The following CLDN9 variants were observed in gnomAD, a reference collection of about 807,000 sequenced individuals.
The protein encoded by CLDN9 is claudin 9.
Under a neutral mutation model 10.1 loss-of-function variants are expected in CLDN9, and 14 were observed. That is an observed-to-expected ratio of 1.38 (90% CI 0.91 to 2.16). The LOEUF (loss-of-function observed/expected upper bound fraction) is 2.16, where lower values mean the gene tolerates loss of function less well. CLDN9 is among the 30% of genes most tolerant of loss of function. CLDN9 has a pLI of 0.00. For synonymous variants in CLDN9, 162 were observed against 143.1 expected (o/e 1.13, Z -0.95); for missense variants, 332 against 294.8 (o/e 1.13, Z -0.93).
chr16:3,013,877 C>T lies in CLDN9; in HGVS notation c.515C>T (p.Ala172Val). The stretch of plus-strand genomic sequence containing the variant: ...CTCTACCTGGGCTGGGCGGCGGCTG[C>T]ACTGCTTATGCTGGGCGGGGGGCTC... Reference protein sequence around the residue: ...ASLYLGWAAAALLMLGGGLLC... With the variant: ...ASLYLGWAAAVLLMLGGGLLC... The change falls in exon 1 of 1, where the codon GCA (alanine) becomes GTA (valine). Residue 172 changes from alanine (A) to valine (V), a missense_variant. Physicochemically the swap from Ala to Val is moderately conservative, Grantham distance 64. Coordinates refer to ENST00000445369, the MANE Select transcript of CLDN9 (RefSeq NM_020982.4). The surrounding 1 kb of genome is among the most constrained non-coding windows in gnomAD (Gnocchi z 6.4). 6.2e-7 allele frequency: 1 copy of T among 1,611,912 alleles called. No homozygotes were observed. The highest frequency in any genetic ancestry group is 8.5e-7 in the Non-Finnish European group (1 of 1,179,610).
rs1366771440 is a variant in CLDN9 at position 3,013,197 on chromosome 16, G to A, written c.-166G>A. The A allele has an allele frequency of 1.1e-5, 8 of 716,632 alleles. No individual in the cohort carries two copies. The highest frequency in any genetic ancestry group is 5.9e-5 in the Admixed American group (2 of 33,956). The allele number at this position is 716,632 out of a possible 1,614,324, so 44.4% of individuals were successfully genotyped here. A position where few individuals can be genotyped will look rare whatever the true frequency, so the allele number is the denominator to read the frequency against. On this transcript the variant is annotated 5_prime_UTR_variant, in exon 1 of 1. Coordinates refer to ENST00000445369, the MANE Select transcript of CLDN9 (RefSeq NM_020982.4). This position sits in a 1 kb window ranked among gnomAD's most constrained non-coding sequence, Gnocchi z 6.4. Reference sequence around the variant, plus strand: ...CCTGCAAGAGGCACGGAGAGGAGGCGCCTTTCAAGAGGCGCCTTTCATGGA... The same window carrying A: ...CCTGCAAGAGGCACGGAGAGGAGGCACCTTTCAAGAGGCGCCTTTCATGGA...
chr16:3,013,128 G>A lies in CLDN9; in HGVS notation c.-235G>A. ...GAGGTGACACCCACCACTCAGCCGAGCGGGACTACGAGTCTGCTTTGTGCT... is the reference window on the plus strand; with the variant it reads ...GAGGTGACACCCACCACTCAGCCGAACGGGACTACGAGTCTGCTTTGTGCT... On this transcript the variant is annotated 5_prime_UTR_variant, in exon 1 of 1. Coordinates refer to ENST00000445369, the MANE Select transcript of CLDN9 (RefSeq NM_020982.4). The surrounding 1 kb of genome is among the most constrained non-coding windows in gnomAD (Gnocchi z 6.4). The A allele has an allele frequency of 1.8e-6, 1 of 565,918 alleles. No homozygotes were observed. The highest frequency in any genetic ancestry group is 2.9e-5 in the East Asian group (1 of 33,974). The allele number at this position is 565,918 out of a possible 1,614,324, so 35.1% of individuals were successfully genotyped here. A position where few individuals can be genotyped will look rare whatever the true frequency, so the allele number is the denominator to read the frequency against.
Position 3,014,106 on chromosome 16 carries a change from C to T in CLDN9, c.*90C>T. 6 of 1,375,326 alleles carry T rather than the reference C, an allele frequency of 4.4e-6. No homozygotes were observed. Among genetic ancestry groups the T allele is most frequent in the South Asian group, 1.6e-5 (1 of 63,506 alleles). 85.2% of individuals were successfully genotyped at this position (1,375,326 alleles called of 1,614,324 possible). On this transcript the variant is annotated 3_prime_UTR_variant, in exon 1 of 1. Coordinates refer to ENST00000445369, the MANE Select transcript of CLDN9 (RefSeq NM_020982.4). ...GACCAGATGCCCTGCTCCATCACAACCTCCTTCCCCAGGAAAACCCACTTT... is the reference window on the plus strand; with the variant it reads ...GACCAGATGCCCTGCTCCATCACAATCTCCTTCCCCAGGAAAACCCACTTT...
At position 3,013,310 on chromosome 16, in the gene CLDN9, C is replaced by T. The variant is rs535547771; in HGVS notation, c.-53C>T. On this transcript the variant is annotated 5_prime_UTR_variant, in exon 1 of 1. Transcript: ENST00000445369. This position sits in a 1 kb window ranked among gnomAD's most constrained non-coding sequence, Gnocchi z 6.4. ...CACCCACCCAGCACACCAGACACAC[C>T]CTCTGAGTCACCTAGGCCGCCTGGG... The T allele has an allele frequency of 6.4e-7, 1 of 1,550,994 alleles. No homozygotes were observed. The highest frequency in any genetic ancestry group is 1.2e-5 in the South Asian group (1 of 82,212).
rs778124251 is a variant in CLDN9, at chr16:3,013,377, C to G, written c.15C>G (p.Gly5=). The change falls in exon 1 of 1, where the codon GGC becomes GGG. Residue 5 remains glycine, a synonymous_variant. Transcript: ENST00000445369. The surrounding 1 kb of genome is among the most constrained non-coding windows in gnomAD (Gnocchi z 6.4). The part of the protein sequence containing the change: MAST[G]LELLGMTLAV... ...CGAGGGGCCAGATGGCTTCGACCGG[C>G]TTAGAACTGCTGGGCATGACCCTGG... 1.2e-6 allele frequency: 2 copies of G among 1,612,724 alleles called. No homozygotes were observed. Among genetic ancestry groups the G allele is most frequent in the African/African-American group, 2.7e-5 (2 of 74,920 alleles).
At position 3,013,922 on chromosome 16, in the gene CLDN9, C is replaced by T. The variant is rs748261167; in HGVS notation, c.560C>T (p.Pro187Leu). ...GGGCTCCTCTGCTGCACGTGCCCCC[C>T]GCCCCAGGTCGAGCGGCCCCGCGGA... Reference protein sequence around the residue: ...GGGLLCCTCPPPQVERPRGPR... With the variant: ...GGGLLCCTCPLPQVERPRGPR... Residue 187 changes from proline to leucine, a missense_variant, in exon 1 of 1, where the codon CCG (proline) becomes CTG (leucine). Physicochemically the swap from Pro to Leu is moderately conservative, Grantham distance 98. Coordinates refer to ENST00000445369, the MANE Select transcript of CLDN9 (RefSeq NM_020982.4). The surrounding 1 kb of genome is among the most constrained non-coding windows in gnomAD (Gnocchi z 6.4). 108 of 1,586,508 alleles carry T rather than the reference C, an allele frequency of 6.8e-5. No homozygotes were observed. Among genetic ancestry groups the T allele is most frequent in the Admixed American group, 2.2e-4 (12 of 53,510 alleles).
rs1431875042 is a variant in CLDN9 at position 3,012,985 on chromosome 16, G to A, written c.-378G>A. ...GAACCTGCGCCAGCCGGCAGGAGAC[G>A]TGGCTGTCCTCAGCCTGGCAGTGCG... is the stretch of plus-strand genomic sequence containing the variant. On this transcript the variant is annotated 5_prime_UTR_variant, in exon 1 of 1. It adds an upstream start codon to the 5' untranslated region. Coordinates refer to ENST00000445369, the MANE Select transcript of CLDN9 (RefSeq NM_020982.4). 14 of 243,440 alleles carry A rather than the reference G, an allele frequency of 5.8e-5. No homozygotes were observed. Among genetic ancestry groups the A allele is most frequent in the Admixed American group, 5.5e-4 (11 of 19,976 alleles). The allele number at this position is 243,440 out of a possible 1,614,324, so 15.1% of individuals were successfully genotyped here.
At position 3,013,852 on chromosome 16, in the gene CLDN9, C is replaced by T. The variant is rs1400546498; in HGVS notation, c.490C>T (p.Leu164Phe). The change falls in exon 1 of 1, where the codon CTC becomes TTC. Residue 164 changes from leucine (L) to phenylalanine (F), a missense_variant. By Grantham distance (22) the Leu-to-Phe change is conservative (BLOSUM62 0). Transcript: ENST00000445369. This position sits in a 1 kb window ranked among gnomAD's most constrained non-coding sequence, Gnocchi z 6.4. ...EALKRELGAS[L>F]YLGWAAAALL... ...CCTCAAGCGGGAGCTGGGGGCCTCC[C>T]TCTACCTGGGCTGGGCGGCGGCTGC... The T allele has an allele frequency of 3.1e-6, 5 of 1,612,406 alleles. No homozygotes were observed. The highest frequency in any genetic ancestry group is 2.2e-5 in the South Asian group (2 of 91,070).
chr16:3,013,103 G>T lies in CLDN9; in HGVS notation c.-260G>T, dbSNP rs180735534. 1.4e-5 allele frequency: 7 copies of T among 512,674 alleles called. No individual in the cohort carries two copies. Among genetic ancestry groups the T allele is most frequent in the African/African-American group, 1.3e-4 (7 of 52,388 alleles). 31.8% of individuals were successfully genotyped at this position (512,674 alleles called of 1,614,324 possible). The stretch of plus-strand genomic sequence containing the variant: ...GGCATCCGATGGGCGGAGGCCCCTC[G>T]AGGTGACACCCACCACTCAGCCGAG... On this transcript the variant is annotated 5_prime_UTR_variant, in exon 1 of 1. Transcript: ENST00000445369. This position sits in a 1 kb window ranked among gnomAD's most constrained non-coding sequence, Gnocchi z 6.4.
Position 3,013,891 on chromosome 16 carries a change from G to T in CLDN9, c.529G>T (p.Gly177Cys). ...GGCGGCGGCTGCACTGCTTATGCTG[G>T]GCGGGGGGCTCCTCTGCTGCACGTG... is the stretch of plus-strand genomic sequence containing the variant. ...GWAAAALLML[G>C]GGLLCCTCPP... Residue 177 changes from glycine (G) to cysteine (C), a missense_variant, in exon 1 of 1, where the codon GGC becomes TGC. Coordinates refer to ENST00000445369, the MANE Select transcript of CLDN9 (RefSeq NM_020982.4). The surrounding 1 kb of genome is among the most constrained non-coding windows in gnomAD (Gnocchi z 6.4). The T allele has an allele frequency of 6.2e-7, 1 of 1,609,126 alleles. No homozygotes were observed. The highest frequency in any genetic ancestry group is 8.5e-7 in the Non-Finnish European group (1 of 1,178,320).
rs868387572 is a variant in CLDN9, at chr16:3,013,050, G to A, written c.-313G>A. On this transcript the variant is annotated 5_prime_UTR_variant, in exon 1 of 1. Transcript: ENST00000445369. The surrounding 1 kb of genome is among the most constrained non-coding windows in gnomAD (Gnocchi z 6.4). ...GCGAGCTCAGCCCAGGTGTGACAGC[G>A]GGGTGGTAAGAGCAGCAGCACCCTC... The A allele has an allele frequency of 1.1e-5, 4 of 367,774 alleles. No homozygotes were observed. The highest frequency in any genetic ancestry group is 5.3e-5 in the East Asian group (1 of 19,040). 22.8% of individuals were successfully genotyped at this position (367,774 alleles called of 1,614,324 possible).
rs747585456 is a variant in CLDN9 at position 3,013,533 on chromosome 16, G to A, written c.171G>A (p.Gln57=). ...WEGLWMSCVV[Q]STGQMQCKVY... ...GCCTGTGGATGTCCTGCGTGGTGCAGAGCACGGGCCAGATGCAGTGCAAGG... is the reference window on the plus strand; with the variant it reads ...GCCTGTGGATGTCCTGCGTGGTGCAAAGCACGGGCCAGATGCAGTGCAAGG... Residue 57 remains glutamine (Q), a synonymous_variant, in exon 1 of 1, where the codon CAG becomes CAA. Coordinates refer to ENST00000445369, the MANE Select transcript of CLDN9 (RefSeq NM_020982.4). The surrounding 1 kb of genome is among the most constrained non-coding windows in gnomAD (Gnocchi z 6.4). The A allele has an allele frequency of 1.1e-5, 17 of 1,613,886 alleles. No individual in the cohort carries two copies. In the South Asian group the frequency reaches 1.9e-4, roughly 18 times the overall value.
chr16:3,013,371 G>C lies in CLDN9; in HGVS notation c.9G>C (p.Ser3=), dbSNP rs151195275. 9 of 1,610,788 alleles carry C rather than the reference G, an allele frequency of 5.6e-6. No individual in the cohort carries two copies. Among genetic ancestry groups the C allele is most frequent in the Admixed American group, 1.7e-5 (1 of 59,956 alleles). Residue 3 remains serine (S), a synonymous_variant, in exon 1 of 1, where the codon TCG becomes TCC. Transcript: ENST00000445369. This position sits in a 1 kb window ranked among gnomAD's most constrained non-coding sequence, Gnocchi z 6.4. MA[S]TGLELLGMTL... Reference sequence around the variant, plus strand: ...CCTAACCGAGGGGCCAGATGGCTTCGACCGGCTTAGAACTGCTGGGCATGA... The same window carrying C: ...CCTAACCGAGGGGCCAGATGGCTTCCACCGGCTTAGAACTGCTGGGCATGA...
chr16:3,013,860 G>A lies in CLDN9; in HGVS notation c.498G>A (p.Leu166=). The change falls in exon 1 of 1, where the codon CTG becomes CTA. Residue 166 remains leucine (L), a synonymous_variant. Transcript: ENST00000445369. This position sits in a 1 kb window ranked among gnomAD's most constrained non-coding sequence, Gnocchi z 6.4. ...LKRELGASLY[L]GWAAAALLML... ...GGGAGCTGGGGGCCTCCCTCTACCT[G>A]GGCTGGGCGGCGGCTGCACTGCTTA... 1 of 1,612,220 alleles carries A rather than the reference G, an allele frequency of 6.2e-7. No homozygotes were observed. Among genetic ancestry groups the A allele is most frequent in the Non-Finnish European group, 8.5e-7 (1 of 1,179,704 alleles).
chr16:3,014,304 T>G lies in CLDN9; in HGVS notation c.*288T>G. 1 of 341,166 alleles carries G rather than the reference T, an allele frequency of 2.9e-6. No homozygotes were observed. Among genetic ancestry groups the G allele is most frequent in the South Asian group, 9.7e-5 (1 of 10,342 alleles). 21.1% of individuals were successfully genotyped at this position (341,166 alleles called of 1,614,324 possible). On this transcript the variant is annotated 3_prime_UTR_variant, in exon 1 of 1. Coordinates refer to ENST00000445369, the MANE Select transcript of CLDN9 (RefSeq NM_020982.4). The stretch of plus-strand genomic sequence containing the variant: ...TGTTTCCTTCCGTTGCCCAGGACAC[T>G]GGCTGGCCTTCCTTCTCTTCTGAGC...
Position 3,013,563 on chromosome 16 carries a change from C to A in CLDN9, c.201C>A (p.Tyr67Ter). 1 of 1,613,988 alleles carries A rather than the reference C, an allele frequency of 6.2e-7. No homozygotes were observed. The highest frequency in any genetic ancestry group is 8.5e-7 in the Non-Finnish European group (1 of 1,179,998). The part of the protein sequence containing the change: ...QSTGQMQCKV[Y>*]DSLLALPQDL... ...CGGGCCAGATGCAGTGCAAGGTGTA[C>A]GACTCACTGCTGGCTCTGCCGCAGG... Residue 67 changes from tyrosine (Y) to a stop codon, truncating the protein, a stop_gained, in exon 1 of 1, where the codon TAC becomes TAA. Transcript: ENST00000445369. LOFTEE classifies it high-confidence loss of function. This position sits in a 1 kb window ranked among gnomAD's most constrained non-coding sequence, Gnocchi z 6.4.
Position 3,013,134 on chromosome 16 carries a change from C to T in CLDN9, c.-229C>T. ...ACACCCACCACTCAGCCGAGCGGGACTACGAGTCTGCTTTGTGCTCCGCGA... is the reference window on the plus strand; with the variant it reads ...ACACCCACCACTCAGCCGAGCGGGATTACGAGTCTGCTTTGTGCTCCGCGA... On this transcript the variant is annotated 5_prime_UTR_variant, in exon 1 of 1. Coordinates refer to ENST00000445369, the MANE Select transcript of CLDN9 (RefSeq NM_020982.4). The surrounding 1 kb of genome is among the most constrained non-coding windows in gnomAD (Gnocchi z 6.4). The T allele has an allele frequency of 1.7e-6, 1 of 581,404 alleles. No homozygotes were observed. The highest frequency in any genetic ancestry group is 2.1e-5 in the South Asian group (1 of 46,902). The allele number at this position is 581,404 out of a possible 1,614,324, so 36.0% of individuals were successfully genotyped here.
rs199530650 is a variant in CLDN9, at chr16:3,013,943, G to T, written c.581G>T (p.Arg194Leu). The T allele has an allele frequency of 2.0e-5, 32 of 1,570,232 alleles. No homozygotes were observed. The East Asian group carries it at 2.5e-4, about 12-fold the overall frequency. ...CCCCCGCCCCAGGTCGAGCGGCCCC[G>T]CGGACCTCGGCTGGGCTACTCCATC... Reference protein sequence around the residue: ...TCPPPQVERPRGPRLGYSIPS... With the variant: ...TCPPPQVERPLGPRLGYSIPS... Residue 194 changes from arginine (R) to leucine (L), a missense_variant, in exon 1 of 1, where the codon CGC (arginine) becomes CTC (leucine). By Grantham distance (102) the Arg-to-Leu change is moderately radical. Transcript: ENST00000445369. This position sits in a 1 kb window ranked among gnomAD's most constrained non-coding sequence, Gnocchi z 6.4.
chr16:3,013,445 C>T lies in CLDN9; in HGVS notation c.83C>T (p.Pro28Leu). Residue 28 changes from proline to leucine, a missense_variant, in exon 1 of 1, where the codon CCC becomes CTC. Pro to Leu is a moderately conservative substitution (Grantham distance 98). Coordinates refer to ENST00000445369, the MANE Select transcript of CLDN9 (RefSeq NM_020982.4). This position sits in a 1 kb window ranked among gnomAD's most constrained non-coding sequence, Gnocchi z 6.4. ...GGGACCCTGGTGTCCTGCGCCCTGC[C>T]CCTGTGGAAGGTGACCGCCTTCATC... ...WLGTLVSCAL[P>L]LWKVTAFIGN... 3.1e-6 allele frequency: 5 copies of T among 1,614,100 alleles called. No homozygotes were observed. Among genetic ancestry groups the T allele is most frequent in the Non-Finnish European group, 4.2e-6 (5 of 1,180,026 alleles).
Sources: gnomAD v4.1 joint callset for allele counts on GRCh38, gnomAD v4.1.1 for gene constraint, Gnocchi (gnomAD v3.1) non-coding constraint, MANE v1.5 for transcripts, NCBI Gene and HGNC (gene_info 2026-07-23, HGNC 2026-07-21) for gene names.